HLF: variants seen among roughly 807,000 people sequenced by gnomAD.
The protein encoded by HLF is hepatic leukemia factor.
HLF carries 3 observed loss-of-function variants against 22.6 expected under a neutral mutation model. The observed-to-expected ratio is 0.13, with a 90% CI of 0.06 to 0.34. The LOEUF is 0.34. Among genes scored for constraint, HLF ranks in the 10% least tolerant of loss-of-function variants. The probability of loss-of-function intolerance (pLI) is 1.00; values close to 1 mark genes in which losing one functional copy is unlikely to be tolerated. For synonymous variants in HLF, 151 were observed against 151.8 expected (o/e 0.99, Z 0.04); for missense variants, 299 against 389.2 (o/e 0.77, Z 1.95).
chr17:55,308,518 C>G (rs58867340), intron 2 of HLF, among the ~76,000 whole-genome samples: 1,647 of 152,248 alleles, frequency 0.011, 29 homozygotes, highest in African/African-American at 0.036. Context: ...ACGATAGTCC[C>G]TTTCCCCAAT....
In HLF at chr17:55,268,031, A is replaced by G. The variant is rs780550360; in HGVS notation, c.396A>G (p.Ala132=). 1.2e-6 allele frequency: 2 copies of G among 1,605,808 alleles called. No homozygotes were observed. Among genetic ancestry groups the G allele is most frequent in the Middle Eastern group, 1.7e-4 (1 of 5,994 alleles). ...SVMDLSSRAS[A]PLHPGIPSPN... ...TGGACCTCAGCAGCCGGGCCTCTGCACCCCTTCACCCTGGCATCCCATCTC... is the reference window on the plus strand; with the variant it reads ...TGGACCTCAGCAGCCGGGCCTCTGCGCCCCTTCACCCTGGCATCCCATCTC... Residue 132 remains alanine, a synonymous_variant, in exon 2 of 4, where the codon GCA becomes GCG. Coordinates refer to ENST00000226067, the MANE Select transcript of HLF (RefSeq NM_002126.5).
At chr17:55,307,490 C>T (rs1904635533) in intron 2 of HLF, among the ~76,000 whole-genome samples, 2 of 152,066 alleles carry the variant, frequency 1.3e-5, no homozygotes, top group Admixed American at 6.6e-5. Context: ...GCATTTAACA[C>T]AGACTCCTGG....
intron 2 of HLF, among the ~76,000 whole-genome samples, chr17:55,278,043 G>C (rs1391094368): frequency 1.3e-5 from 2 of 152,136 alleles, no homozygotes; most frequent in African/African-American, 4.8e-5. Flanking sequence ...CTGTCACACA[G>C]GGTTCGTAAA....
At chr17:55,274,542 G>A (rs2080888236) in intron 2 of HLF, among the ~76,000 whole-genome samples, 1 of 152,182 alleles carries the variant, frequency 6.6e-6, no homozygotes. Flanking sequence ...AGAATGTCCT[G>A]TGTTTGAGAC....
At chr17:55,313,132 A>C (rs141889009) in intron 2 of HLF, among the ~76,000 whole-genome samples, 2 of 152,060 alleles carry the variant, frequency 1.3e-5, no homozygotes, top group East Asian at 3.9e-4. Flanking sequence ...TGGAGGAAAA[A>C]CCTAGAGAGA....
At chr17:55,315,502 C>G in intron 3 of HLF, 55 bp downstream of exon 3, 1 of 1,305,352 alleles carries the variant, frequency 7.7e-7, no homozygotes, top group South Asian at 1.2e-5. Context: ...GATCCACAGA[C>G]AGATTAAAAG....
At chr17:55,291,211 A>G (rs2081058795) in intron 2 of HLF, among the ~76,000 whole-genome samples, 1 of 152,246 alleles carries the variant, frequency 6.6e-6, no homozygotes. Flanking sequence ...GCTATACTAA[A>G]CAACAGAGTT....
At chr17:55,285,107 C>A (rs975940186) in intron 2 of HLF, among the ~76,000 whole-genome samples, 1 of 152,140 alleles carries the variant, frequency 6.6e-6, no homozygotes, top group Admixed American at 6.5e-5. Flanking sequence ...TGGCTGCCCT[C>A]GTTCATAGAG....
At chr17:55,265,730 T>G in intron 1 of HLF, 131 bp downstream of exon 1, 2 of 1,124,830 alleles carry the variant, frequency 1.8e-6, no homozygotes. Flanking sequence ...GGCCCCGCGC[T>G]GATGAAATTG....
intron 2 of HLF, among the ~76,000 whole-genome samples, chr17:55,315,026 T>C (rs1905006221): frequency 6.6e-6 from 1 of 152,230 alleles, no homozygotes; most frequent in Non-Finnish European, 1.5e-5. Context: ...GGGTTTCTGT[T>C]TTGCCTGATG....
At chr17:55,303,156 G>T (rs1904379852) in intron 2 of HLF, among the ~76,000 whole-genome samples, 1 of 152,210 alleles carries the variant, frequency 6.6e-6, no homozygotes, top group Non-Finnish European at 1.5e-5. Context: ...AGGGGCTGAG[G>T]TGAGCATTGG....
intron 2 of HLF, among the ~76,000 whole-genome samples, chr17:55,282,331 C>T (rs1418764256): frequency 6.6e-6 from 1 of 152,202 alleles, no homozygotes; most frequent in East Asian, 1.9e-4. Flanking sequence ...GAGATCTAAT[C>T]TGTAGTCCTG....
chr17:55,271,429 A>C, intron 2 of HLF: 1 of 152,234 alleles, frequency 6.6e-6, no homozygotes, highest in East Asian at 1.9e-4. Context: ...AAGGGCAATG[A>C]AACCATGAGC....
intron 2 of HLF, among the ~76,000 whole-genome samples, chr17:55,292,497 C>T (rs2145334042): frequency 6.6e-6 from 1 of 152,196 alleles, no homozygotes; most frequent in South Asian, 2.1e-4. Context: ...TGGTATTACA[C>T]ACTTAATAGA....
intron 2 of HLF, among the ~76,000 whole-genome samples, chr17:55,304,346 CAG>C (rs1301491158): frequency 6.6e-6 from 1 of 152,158 alleles, no homozygotes; most frequent in African/African-American, 2.4e-5. Flanking sequence ...ATAACCATCA[CAG>C]GGGGCAATGG....
chr17:55,266,518 G>A (rs1366843599), intron 1 of HLF, among the ~76,000 whole-genome samples: 1 of 152,228 alleles, frequency 6.6e-6, no homozygotes, highest in African/African-American at 2.4e-5. Flanking sequence ...TAGCTTGGGA[G>A]TACTTGCACC....
chr17:55,265,680 C>A, intron 1 of HLF, 81 bp downstream of exon 1: 1 of 1,153,442 alleles, frequency 8.7e-7, no homozygotes, highest in Non-Finnish European at 1.2e-6. Context: ...CCCGCTGGAG[C>A]ATCCCCCAAC....
chr17:55,276,967 G>T (rs61062685), intron 2 of HLF, among the ~76,000 whole-genome samples: 145 of 152,222 alleles, frequency 9.5e-4, no homozygotes, highest in African/African-American at 3.4e-3. Flanking sequence ...ATGTTCTAAT[G>T]ATCTAGAGAA....
chr17:55,292,976 C>T (rs909000512), intron 2 of HLF, among the ~76,000 whole-genome samples: 1 of 152,112 alleles, frequency 6.6e-6, no homozygotes, highest in Admixed American at 6.6e-5. Context: ...ATGATGGTTA[C>T]CAGAGGCTGG....
Sources: gnomAD v4.1 joint callset for allele counts (sites outside exome capture counted in the v4.1 genomes callset) on GRCh38, gnomAD v4.1.1 for gene constraint, MANE v1.5 for transcripts, NCBI Gene and HGNC (gene_info 2026-07-23, HGNC 2026-07-21) for gene names.